KIF13B: variants seen among roughly 807,000 people sequenced by gnomAD.
KIF13B encodes kinesin family member 13B.
KIF13B carries 127 observed loss-of-function variants against 222.0 expected under a neutral mutation model. The observed-to-expected ratio is 0.57, with a 90% CI of 0.50 to 0.66. KIF13B has a LOEUF of 0.66. Among genes scored for constraint, KIF13B ranks in the 30% least tolerant of loss-of-function variants. The pLI is 0.00. For synonymous variants in KIF13B, 976 were observed against 919.0 expected, an observed-to-expected ratio of 1.06 and a Z score of -1.12; for missense variants, 2,173 against 2,379.0, an observed-to-expected ratio of 0.91 and a Z score of 1.80.
intron 32 of KIF13B, among the ~76,000 whole-genome samples, chr8:29,111,051 GA>G (rs1809332086): frequency 6.6e-6 from 1 of 152,150 alleles, no homozygotes; most frequent in Non-Finnish European, 1.5e-5. Flanking sequence ...ATGAGTCTTA[GA>G]ACAGATAAAA....
chr8:29,173,770 C>G (rs1812354267), intron 10 of KIF13B, among the ~76,000 whole-genome samples: 1 of 151,480 alleles, frequency 6.6e-6, no homozygotes, highest in South Asian at 2.1e-4. Context: ...ATGGCAAAAC[C>G]CTGTCTCTAC....
intron 26 of KIF13B, among the ~76,000 whole-genome samples, chr8:29,126,070 G>A (rs1200360315): frequency 6.6e-6 from 1 of 151,966 alleles, no homozygotes; most frequent in African/African-American, 2.4e-5. Context: ...CTGGGCAACA[G>A]GGTGAGACTC....
intron 1 of KIF13B, among the ~76,000 whole-genome samples, chr8:29,249,239 C>A (rs991487230): frequency 5.9e-5 from 9 of 151,996 alleles, no homozygotes; most frequent in African/African-American, 1.9e-4. Context: ...ACCAGCCTGG[C>A]CAACATGGTG....
intron 12 of KIF13B, among the ~76,000 whole-genome samples, chr8:29,163,301 G>A (rs543362106): frequency 6.6e-6 from 1 of 152,302 alleles, no homozygotes; most frequent in African/African-American, 2.4e-5. Flanking sequence ...AGTATTGGAT[G>A]ATGTAAGGGT....
chr8:29,223,287 G>C (rs187158203), intron 2 of KIF13B, among the ~76,000 whole-genome samples: 12 of 132,754 alleles, frequency 9.0e-5, no homozygotes, highest in East Asian at 2.1e-4. Context: ...AGTGAGCCCC[G>C]ATCACACCAC....
chr8:29,236,614 T>C (rs1397112175), intron 2 of KIF13B, among the ~76,000 whole-genome samples: 10 of 152,194 alleles, frequency 6.6e-5, no homozygotes, highest in Non-Finnish European at 1.5e-5. Context: ...GTCACTACTC[T>C]TAATAATTAT....
chr8:29,110,484 T>G (rs1256778798), intron 32 of KIF13B: 1 of 172,712 alleles, frequency 5.8e-6, no homozygotes, highest in African/African-American at 2.4e-5. Flanking sequence ...AGCGTAGGAA[T>G]CAAACTGCCT....
chr8:29,211,938 A>G (rs537180513), intron 2 of KIF13B, among the ~76,000 whole-genome samples: 1 of 152,334 alleles, frequency 6.6e-6, no homozygotes, highest in South Asian at 2.1e-4. Context: ...CATTTCATAT[A>G]AATGATACTA....
intron 21 of KIF13B, among the ~76,000 whole-genome samples, chr8:29,139,645 G>A (rs181474339): frequency 6.6e-6 from 1 of 152,322 alleles, no homozygotes; most frequent in Admixed American, 6.5e-5. Flanking sequence ...TACTGGGAAA[G>A]AGGACTGGTT....
intron 2 of KIF13B, among the ~76,000 whole-genome samples, chr8:29,240,219 A>T (rs1376722332): frequency 6.6e-6 from 1 of 151,830 alleles, no homozygotes; most frequent in African/African-American, 2.4e-5. Context: ...CTGGCCTTTC[A>T]CTAGAAAAAG....
At chr8:29,140,702 G>A in intron 19 of KIF13B, 85 bp from the exon 20 acceptor site, 1 of 1,197,922 alleles carries the variant, frequency 8.3e-7, no homozygotes, top group South Asian at 1.5e-5. Context: ...TGCACTCTAG[G>A]TTATTAAACT....
intron 2 of KIF13B, among the ~76,000 whole-genome samples, chr8:29,201,614 C>A (rs1813695192): frequency 6.6e-6 from 1 of 152,144 alleles, no homozygotes; most frequent in Non-Finnish European, 1.5e-5. Context: ...ATACTGAATC[C>A]AAATCCCATC....
In KIF13B at chr8:29,132,398, ACTTCAATT is replaced by A; in HGVS notation, c.2844_2851del (p.Glu950TrpfsTer3). 6.3e-7 allele frequency: 1 copy of A among 1,595,124 alleles called. No homozygotes were observed. The highest frequency in any genetic ancestry group is 2.3e-5 in the East Asian group (1 of 43,724). On this transcript the variant is annotated frameshift_variant, in exon 23 of 40. Coordinates refer to ENST00000524189, the MANE Select transcript of KIF13B (RefSeq NM_015254.4). LOFTEE classifies it high-confidence loss of function. ...GGGATCGTTTATTTTATGTCCATAT[ACTTCAATT>A]GCCAATGCTCCTTCGGAAAGATGCT...
chr8:29,165,553 G>A, intron 12 of KIF13B, 109 bp downstream of exon 12: 2 of 669,022 alleles, frequency 3.0e-6, no homozygotes, highest in Non-Finnish European at 5.3e-6. Flanking sequence ...GATAGTGTGA[G>A]ATTTGCCATC....
rs746510390 is a variant in KIF13B at position 29,167,510 on chromosome 8, G to C, written c.1021C>G (p.Leu341Val). 3.1e-6 allele frequency: 5 copies of C among 1,613,936 alleles called. No individual in the cohort carries two copies. The African/African-American group carries it at 5.3e-5, about 17-fold the overall frequency. Residue 341 changes from leucine to valine, a missense_variant, in exon 11 of 40, where the codon CTC (leucine) becomes GTC (valine). Leu to Val is a conservative substitution (Grantham distance 32). Coordinates refer to ENST00000524189, the MANE Select transcript of KIF13B (RefSeq NM_015254.4). ...SPAADNYDET[L>V]STLRYADRAK... ...CGATCTGCATACCGCAGAGTTGAGA[G>C]GGTTTCATCATAGTTATCAGCTGCA... is the stretch of plus-strand genomic sequence containing the variant.
intron 22 of KIF13B, 132 bp downstream of exon 22, chr8:29,133,908 C>A: frequency 1.2e-6 from 1 of 844,646 alleles, no homozygotes; most frequent in Non-Finnish European, 1.8e-6. Context: ...ACTTTTTACT[C>A]AATCCCCACA....
intron 2 of KIF13B, among the ~76,000 whole-genome samples, chr8:29,214,938 T>C (rs1814406864): frequency 2.6e-5 from 4 of 152,176 alleles, no homozygotes; most frequent in African/African-American, 9.7e-5. Flanking sequence ...ATGACTGTGA[T>C]AGAGTGGTGA....
intron 14 of KIF13B, among the ~76,000 whole-genome samples, chr8:29,155,283 G>T (rs1811467840): frequency 6.6e-6 from 1 of 152,192 alleles, no homozygotes; most frequent in Non-Finnish European, 1.5e-5. Flanking sequence ...CCTCTTAAGG[G>T]CAGTGCATTC....
chr8:29,123,987 T>C (rs774485833), intron 27 of KIF13B, 37 bp downstream of exon 27: 8 of 1,285,826 alleles, frequency 6.2e-6, no homozygotes, highest in Non-Finnish European at 7.9e-6. Flanking sequence ...ATGCATTGAT[T>C]TGCAGGGGAG....
Sources: allele counts gnomAD v4.1 joint callset (sites outside exome capture counted in the v4.1 genomes callset), GRCh38; gene constraint gnomAD v4.1.1; transcripts MANE v1.5; gene names NCBI Gene and HGNC (gene_info 2026-07-23, HGNC 2026-07-21).